The following LOC128125822 variants were observed in gnomAD, a reference collection of about 807,000 sequenced individuals.
chr6:63,579,745 C>A, the LOC128125822 span, among the ~76,000 whole-genome samples: 1 of 152,186 alleles, frequency 6.6e-6, no homozygotes, highest in Non-Finnish European at 1.5e-5. Context: ...TTGTAGTCAT[C>A]TTCCCTGCTA....
chr6:63,577,076 T>G, the LOC128125822 span: 2 of 925,996 alleles, frequency 2.2e-6, no homozygotes, highest in Non-Finnish European at 3.3e-6. Context: ...TTGGAAAAAA[T>G]GAGATGATAT....
At chr6:63,579,200 AAATT>A in the LOC128125822 span, 3 of 1,527,936 alleles carry the variant, frequency 2.0e-6, no homozygotes, top group Non-Finnish European at 2.7e-6. Context: ...TTGGAGAAAT[AAATT>A]TACAAAGATC....
the LOC128125822 span, chr6:63,580,743 T>TA: frequency 2.6e-4 from 40 of 152,548 alleles, no homozygotes; most frequent in African/African-American, 9.4e-4. Flanking sequence ...TTTTTTTTTT[T>TA]ACCAAGTCTT....
the LOC128125822 span, chr6:63,578,574 A>G: frequency 5.1e-6 from 8 of 1,575,356 alleles, no homozygotes; most frequent in Non-Finnish European, 2.6e-6. Flanking sequence ...CTGTGCTACA[A>G]AAGTTTATTC....
the LOC128125822 span, chr6:63,576,419 CTT>C: frequency 7.5e-6 from 3 of 399,106 alleles, no homozygotes; most frequent in African/African-American, 6.2e-5. Context: ...CTCTTTCTGT[CTT>C]TTTCTTTTAA....
chr6:63,572,481 C>A, the LOC128125822 span: 1 of 389,180 alleles, frequency 2.6e-6, no homozygotes, highest in Non-Finnish European at 4.5e-6. Context: ...CGCAAGGGCG[C>A]CTCGGCGCGT....
chr6:63,582,915 C>G, the LOC128125822 span: 8 of 152,214 alleles, frequency 5.3e-5, no homozygotes, highest in African/African-American at 1.4e-4. Flanking sequence ...TTAATCACAT[C>G]CCCCTTCTAG....
the LOC128125822 span, chr6:63,583,462 C>T: frequency 6.6e-6 from 1 of 152,120 alleles, no homozygotes; most frequent in African/African-American, 2.4e-5. Context: ...AAGGGAAAAA[C>T]TTGTATTTGC....
At chr6:63,579,453 C>CAA in the LOC128125822 span, 1 of 648,060 alleles carries the variant, frequency 1.5e-6, no homozygotes, top group South Asian at 4.0e-5. Context: ...GTATTAAAAC[C>CAA]AGGAAATCAA....
the LOC128125822 span, chr6:63,580,463 T>C: frequency 1.4e-4 from 38 of 267,816 alleles, no homozygotes; most frequent in East Asian, 9.6e-4. Context: ...TTATGACTTG[T>C]TAAATCTATT....
chr6:63,573,865 A>G, the LOC128125822 span, among the ~76,000 whole-genome samples: 1 of 152,098 alleles, frequency 6.6e-6, no homozygotes, highest in African/African-American at 2.4e-5. Context: ...CCAATTTTGG[A>G]AGGGCCCTGG....
chr6:63,581,494 A>G, the LOC128125822 span: 1 of 152,524 alleles, frequency 6.6e-6, no homozygotes, highest in African/African-American at 2.4e-5. Flanking sequence ...TATTTTGTAG[A>G]AGACAAAATG....
At chr6:63,579,743 A>G in the LOC128125822 span, among the ~76,000 whole-genome samples, 2 of 152,194 alleles carry the variant, frequency 1.3e-5, no homozygotes, top group African/African-American at 2.4e-5. Flanking sequence ...TTTTGTAGTC[A>G]TCTTCCCTGC....
chr6:63,574,051 C>G, the LOC128125822 span, among the ~76,000 whole-genome samples: 1 of 152,114 alleles, frequency 6.6e-6, no homozygotes, highest in Non-Finnish European at 1.5e-5. Flanking sequence ...GTTATTTACA[C>G]TACGATTGGA....
the LOC128125822 span, among the ~76,000 whole-genome samples, chr6:63,578,103 C>T: frequency 2.0e-5 from 3 of 152,074 alleles, no homozygotes; most frequent in Non-Finnish European, 4.4e-5. Context: ...CTGCTAGCCC[C>T]TTTTGGTTAA....
the LOC128125822 span, chr6:63,576,311 G>A: frequency 1.3e-5 from 5 of 386,992 alleles, no homozygotes; most frequent in Admixed American, 4.5e-5. Flanking sequence ...AGTAAAAGTC[G>A]ATGAAGCGGC....
At chr6:63,572,877 TGGCCGGCCGATTGC>T in the LOC128125822 span, among the ~76,000 whole-genome samples, 1 of 151,994 alleles carries the variant, frequency 6.6e-6, no homozygotes, top group South Asian at 2.1e-4. Flanking sequence ...TATGGCCCTG[TGGCCGGCCGATTGC>T]GGCCGGCTGT....
At chr6:63,574,554 T>C in the LOC128125822 span, among the ~76,000 whole-genome samples, 1 of 152,202 alleles carries the variant, frequency 6.6e-6, no homozygotes, top group African/African-American at 2.4e-5. Flanking sequence ...TATAGTTCTT[T>C]CTCTGCTTCC....
chr6:63,574,690 AAAG>A, the LOC128125822 span, among the ~76,000 whole-genome samples: 2 of 152,242 alleles, frequency 1.3e-5, no homozygotes, highest in South Asian at 2.1e-4. Flanking sequence ...TAATTGAAAA[AAAG>A]GTAATACCTA....
Sources: gnomAD v4.1 joint callset for allele counts (sites outside exome capture counted in the v4.1 genomes callset) on GRCh38, gnomAD v4.1.1 for gene constraint, MANE v1.5 for transcripts.